Variants in CALHM4 observed in about 807,000 individuals in gnomAD.
CALHM4 encodes calcium homeostasis modulator family member 4.
Under a neutral mutation model 13.3 loss-of-function variants are expected in CALHM4, and 16 were observed. The ratio of observed to expected loss-of-function variants is 1.20; its 90% confidence interval spans 0.81 to 1.82. CALHM4 has a LOEUF of 1.82. Ranked by LOEUF, CALHM4 falls within the 40% of genes most tolerant of loss-of-function variation. CALHM4 has a pLI of 0.00. For missense variants in CALHM4, 344 were observed against 374.9 expected (o/e 0.92, Z 0.68); for synonymous variants, 127 against 137.1 (o/e 0.93, Z 0.52).
rs1019571692 is a variant in CALHM4 at position 116,559,212 on chromosome 6, C to T, written c.*1001C>T. On this transcript the variant is annotated 3_prime_UTR_variant, in exon 2 of 2. Transcript: ENST00000368596. ...ATTATTTCTGTGATATATAGTGACT[C>T]GTGCCTGATTTTTGCTACGTTCACT... Among the ~76,000 whole-genome samples, 8 of 152,158 alleles carry T rather than the reference C, an allele frequency of 5.3e-5. No individual in the cohort carries two copies. The highest frequency in any genetic ancestry group is 1.3e-4 in the Admixed American group (2 of 15,280).
At chr6:116,532,588 T>G (rs914953791) in intron 1 of CALHM4, among the ~76,000 whole-genome samples, 3 of 152,208 alleles carry the variant, frequency 2.0e-5, no homozygotes, top group East Asian at 3.8e-4. Context: ...CAATAAAGAA[T>G]CAAATTAAAC....
At chr6:116,545,171 G>A (rs1201370366) in intron 2 of CALHM4, among the ~76,000 whole-genome samples, 1 of 151,010 alleles carries the variant, frequency 6.6e-6, no homozygotes, top group Non-Finnish European at 1.5e-5. Context: ...ATTTCCTGAA[G>A]TATGAAATAG....
At chr6:116,557,440 C>T (rs1363673162) in intron 1 of CALHM4, among the ~76,000 whole-genome samples, 1 of 152,084 alleles carries the variant, frequency 6.6e-6, no homozygotes, top group Non-Finnish European at 1.5e-5. Flanking sequence ...TTATTAAACA[C>T]CCAAAGAATG....
chr6:116,537,180 T>C (rs544063235), intron 1 of CALHM4, among the ~76,000 whole-genome samples: 1 of 152,304 alleles, frequency 6.6e-6, no homozygotes, highest in East Asian at 1.9e-4. Flanking sequence ...ATTCTCCTCA[T>C]TGACAAGAAA....
chr6:116,529,572 C>T (rs957147700), intron 1 of CALHM4, among the ~76,000 whole-genome samples: 2 of 152,280 alleles, frequency 1.3e-5, no homozygotes, highest in South Asian at 4.1e-4. Context: ...TTCGTATCTG[C>T]CTTCAGTGTC....
At chr6:116,532,748 G>A (rs1210013507) in intron 1 of CALHM4, among the ~76,000 whole-genome samples, 1 of 152,146 alleles carries the variant, frequency 6.6e-6, no homozygotes, top group Non-Finnish European at 1.5e-5. Flanking sequence ...CACAAAACAC[G>A]ATAAAATTGA....
intron 1 of CALHM4, among the ~76,000 whole-genome samples, chr6:116,542,577 C>G (rs1427281441): frequency 6.6e-6 from 1 of 151,952 alleles, no homozygotes. Flanking sequence ...TTAAAAAGCT[C>G]AAAAACCATT....
chr6:116,542,332 A>C (rs1056882999), intron 1 of CALHM4, among the ~76,000 whole-genome samples: 1 of 152,076 alleles, frequency 6.6e-6, no homozygotes, highest in Non-Finnish European at 1.5e-5. Flanking sequence ...ATAAATTATA[A>C]TTTTTTTAAA....
upstream of CALHM4, among the ~76,000 whole-genome samples, chr6:116,550,219 C>G (rs1424126654): frequency 6.6e-6 from 1 of 151,838 alleles, no homozygotes; most frequent in Non-Finnish European, 1.5e-5. Context: ...ATATATATTT[C>G]AGTACCTTTA....
At chr6:116,532,553 T>C (rs1390867763) in intron 1 of CALHM4, among the ~76,000 whole-genome samples, 1 of 152,212 alleles carries the variant, frequency 6.6e-6, no homozygotes, top group Non-Finnish European at 1.5e-5. Flanking sequence ...AAATTGTAAA[T>C]GAAAGGCAAC....
Position 116,560,646 on chromosome 6 carries a change from A to G in CALHM4, c.*2435A>G, listed in dbSNP as rs1326680518. 9.5e-5 allele frequency among the ~76,000 whole-genome samples: 2 copies of G among 21,048 alleles called. No individual in the cohort carries two copies. The highest frequency in any genetic ancestry group is 2.3e-4 in the African/African-American group (1 of 4,336). 13.8% of individuals were successfully genotyped at this position (21,048 alleles called of 152,430 possible). ...AGATCAAATAAATGGAATTTTTAGT[A>G]TTTTGGGGGGGGGGGGGGCTATGGT... On this transcript the variant is annotated 3_prime_UTR_variant, in exon 2 of 2. Coordinates refer to ENST00000368596, the MANE Select transcript of CALHM4 (RefSeq NM_001366078.2).
At chr6:116,557,749 C>A in intron 1 of CALHM4, 76 bp from the exon 2 acceptor site, 1 of 1,492,074 alleles carries the variant, frequency 6.7e-7, no homozygotes, top group Non-Finnish European at 9.0e-7. Context: ...TTGTAGGAAT[C>A]CCCCCTCCCA....
intron 2 of CALHM4, chr6:116,545,526 G>A: frequency 6.5e-7 from 1 of 1,545,734 alleles, no homozygotes; most frequent in Non-Finnish European, 8.7e-7. Context: ...GTGCTTGATA[G>A]ATGAAGAATA....
rs1222076914 is a variant in CALHM4 at position 116,560,240 on chromosome 6, TAGTTTATTAGTTGTCAGGAACTATACCAC to T, written c.*2033_*2061del. On this transcript the variant is annotated 3_prime_UTR_variant, in exon 2 of 2. Transcript: ENST00000368596. Reference sequence around the variant, plus strand: ...GAACACTTTCAACCATGCTCAGAATTAGTTTATTAGTTGTCAGGAACTATACCACAGTAAAGACTCTTCAATAAGATTTT... The same window carrying T: ...GAACACTTTCAACCATGCTCAGAATTAGTAAAGACTCTTCAATAAGATTTT... Among the ~76,000 whole-genome samples the T allele has an allele frequency of 2.0e-5, 3 of 152,182 alleles. No homozygotes were observed. The highest frequency in any genetic ancestry group is 4.4e-5 in the Non-Finnish European group (3 of 68,014).
chr6:116,554,232 A>C lies in CALHM4; in HGVS notation c.439A>C (p.Asn147His), dbSNP rs867100838. 6.4e-6 allele frequency: 10 copies of C among 1,550,628 alleles called. No individual in the cohort carries two copies. Among genetic ancestry groups the C allele is most frequent in the Middle Eastern group, 1.7e-4 (1 of 5,992 alleles). ...TGTGGACCATTACCCAATGTTTGAT[A>C]ATGTCAGTGCCAGCAAACGAGAAGA... is the stretch of plus-strand genomic sequence containing the variant. ...ASVDHYPMFD[N>H]VSASKREEIL... is the part of the protein sequence containing the mutation. The change falls in exon 1 of 2, where the codon AAT (asparagine) becomes CAT (histidine). Residue 147 changes from asparagine to histidine, a missense_variant. Asn to His is a moderately conservative substitution (Grantham distance 68). Transcript: ENST00000368596.
chr6:116,543,906 G>A, intron 2 of CALHM4: 6 of 1,468,510 alleles, frequency 4.1e-6, no homozygotes, highest in Non-Finnish European at 5.5e-6. Context: ...AGAGAAAAAA[G>A]GGGAATGTGA....
Position 116,554,274 on chromosome 6 carries a change from C to A in CALHM4, c.481C>A (p.Pro161Thr). The A allele has an allele frequency of 6.4e-7, 1 of 1,550,576 alleles. No homozygotes were observed. The highest frequency in any genetic ancestry group is 8.7e-7 in the Non-Finnish European group (1 of 1,146,992). ...SKREEILAGF[P>T]CCRSAPSDVI... ...ACGAGAAGAGATCCTGGCTGGGTTT[C>A]CATGTTGCAGATCAGCTCCTTCTGA... Residue 161 changes from proline (P) to threonine (T), a missense_variant, in exon 1 of 2, where the codon CCA becomes ACA. Pro to Thr is a conservative substitution (Grantham distance 38). Coordinates refer to ENST00000368596, the MANE Select transcript of CALHM4 (RefSeq NM_001366078.2).
At chr6:116,553,677 A>T, upstream of CALHM4, 1 of 888,866 alleles carries the variant, frequency 1.1e-6, no homozygotes. Context: ...ACATGTAAGG[A>T]TGTTGGATCA....
rs1020502471 is a variant in CALHM4 at position 116,559,666 on chromosome 6, T to G, written c.*1455T>G. Among the ~76,000 whole-genome samples the G allele has an allele frequency of 6.6e-6, 1 of 152,282 alleles. No homozygotes were observed. Among genetic ancestry groups the G allele is most frequent in the African/African-American group, 2.4e-5 (1 of 41,556 alleles). ...TCAGTCCATCTCTCTGGACCCTGGA[T>G]TTTTTTCATCTATACAATAAAAGGG... is the stretch of plus-strand genomic sequence containing the variant. On this transcript the variant is annotated 3_prime_UTR_variant, in exon 2 of 2. Coordinates refer to ENST00000368596, the MANE Select transcript of CALHM4 (RefSeq NM_001366078.2).
Sources: gnomAD v4.1 joint callset for allele counts (sites outside exome capture counted in the v4.1 genomes callset) on GRCh38, gnomAD v4.1.1 for gene constraint, MANE v1.5 for transcripts, NCBI Gene and HGNC (gene_info 2026-07-23, HGNC 2026-07-21) for gene names.